The following GPR89B variants were observed in gnomAD, a reference collection of about 807,000 sequenced individuals.
The protein encoded by GPR89B is golgi pH regulator B.
Under a neutral mutation model 52.4 loss-of-function variants are expected in GPR89B, and 25 were observed. The observed-to-expected ratio is 0.48, with a 90% CI of 0.35 to 0.67. The LOEUF is 0.67. Among genes scored for constraint, GPR89B ranks in the 30% least tolerant of loss-of-function variants. The pLI, the probability that GPR89B is intolerant of heterozygous loss-of-function variation, is 0.01. For synonymous variants in GPR89B, 52 were observed against 151.2 expected, an observed-to-expected ratio of 0.34 and a Z score of 4.81; for missense variants, 146 against 450.2, an observed-to-expected ratio of 0.32 and a Z score of 6.11.
intron 7 of GPR89B, among the ~76,000 whole-genome samples, chr1:147,962,921 A>C (rs1347946103): frequency 6.6e-6 from 1 of 151,230 alleles, no homozygotes; most frequent in Non-Finnish European, 1.5e-5. Context: ...AAAACAGATA[A>C]TAGACTAAAA....
At position 147,958,021 on chromosome 1, in the gene GPR89B, G is replaced by A. The variant is rs1391766512; in HGVS notation, c.617+3619G>A. Among the ~76,000 whole-genome samples, 346 of 150,834 alleles carry A rather than the reference G, an allele frequency of 2.3e-3. 3 individuals are homozygous for A. Among genetic ancestry groups the A allele is most frequent in the African/African-American group, 7.9e-3 (322 of 40,576 alleles). ...GGAGCTTGCGGTAAGCCCACATCGCGCCACTGCACTCCAGCCTGGGTGATG... is the reference window on the plus strand; with the variant it reads ...GGAGCTTGCGGTAAGCCCACATCGCACCACTGCACTCCAGCCTGGGTGATG... On this transcript the variant is annotated intron_variant, in intron 7 of 13. Transcript: ENST00000314163.
intron 1 of GPR89B, among the ~76,000 whole-genome samples, chr1:147,936,260 C>T (rs1478673664): frequency 6.6e-6 from 1 of 152,212 alleles, no homozygotes. Context: ...GATCTGCCCA[C>T]CTTGTCCTCC....
chr1:147,983,488 C>T (rs1448840543), intron 10 of GPR89B, among the ~76,000 whole-genome samples: 1 of 152,042 alleles, frequency 6.6e-6, no homozygotes, highest in Non-Finnish European at 1.5e-5. Context: ...AAGAAAAAAA[C>T]AAACAACCCC....
intron 1 of GPR89B, among the ~76,000 whole-genome samples, chr1:147,929,419 C>A (rs587662688): frequency 6.8e-4 from 103 of 152,148 alleles, no homozygotes; most frequent in Non-Finnish European, 9.7e-4. Context: ...TTTTTGAGAT[C>A]CTGCCTTGTT....
chr1:148,011,177 C>G, the GPR89B span: 1 of 152,158 alleles, frequency 6.6e-6, no homozygotes, highest in Admixed American at 6.6e-5. Context: ...AGGGCTATTA[C>G]ATTTCTAGCC....
Position 147,969,961 on chromosome 1 carries a change from T to C in GPR89B, c.909+2T>C. On this transcript the variant is annotated splice_donor_variant, in intron 10 of 13. Transcript: ENST00000314163. LOFTEE classifies it high-confidence loss of function. ...TACTGTGTTTGGAAAATTTTCATGG[T>C]AAGTATGTTATTTTTAATTATCAGA... 4 of 1,364,836 alleles carry C rather than the reference T, an allele frequency of 2.9e-6. No individual in the cohort carries two copies. The highest frequency in any genetic ancestry group is 3.9e-6 in the Non-Finnish European group (4 of 1,015,594). The allele number at this position is 1,364,836 out of a possible 1,614,324, so 84.5% of individuals were successfully genotyped here.
At chr1:148,005,539 G>T in the GPR89B span, 5 of 1,567,762 alleles carry the variant, frequency 3.2e-6, no homozygotes, top group East Asian at 9.0e-5. Flanking sequence ...AACTCCATGT[G>T]GAGACACAAG....
chr1:147,962,990 C>G (rs1226926069), intron 7 of GPR89B, among the ~76,000 whole-genome samples: 1 of 145,348 alleles, frequency 6.9e-6, no homozygotes, highest in Non-Finnish European at 1.5e-5. Context: ...AAGGGCTACA[C>G]AAAAAGTTCT....
At chr1:147,962,853 G>A (rs1262378874) in intron 7 of GPR89B, among the ~76,000 whole-genome samples, 8 of 148,054 alleles carry the variant, frequency 5.4e-5, no homozygotes, top group African/African-American at 1.5e-4. Context: ...GCCGAGATCC[G>A]CCATTGCCCT....
rs1405767511 is a variant in GPR89B at position 147,992,715 on chromosome 1, T to C, written c.1166T>C (p.Met389Thr). ...IVLLLAQIMG[M>T]YFVSSVLLIR... ...ATTAATTCATTTGACTTACAGGGCATGTACTTTGTCTCCTCTGTGCTGCTG... is the reference window on the plus strand; with the variant it reads ...ATTAATTCATTTGACTTACAGGGCACGTACTTTGTCTCCTCTGTGCTGCTG... Residue 389 changes from methionine (M) to threonine (T), a missense_variant, in exon 14 of 14, where the codon ATG becomes ACG. Coordinates refer to ENST00000314163, the MANE Select transcript of GPR89B (RefSeq NM_016334.5). 2.1e-6 allele frequency: 3 copies of C among 1,432,222 alleles called. No individual in the cohort carries two copies. The highest frequency in any genetic ancestry group is 2.9e-5 in the African/African-American group (2 of 69,296). The allele number at this position is 1,432,222 out of a possible 1,614,324, so 88.7% of individuals were successfully genotyped here.
chr1:147,944,895 AATAT>A (rs1224164818), intron 5 of GPR89B, among the ~76,000 whole-genome samples: 1 of 148,362 alleles, frequency 6.7e-6, no homozygotes, highest in South Asian at 2.1e-4. Context: ...CCTTTTTAAA[AATAT>A]ATATATATAT....
chr1:148,002,557 C>T, the GPR89B span, among the ~76,000 whole-genome samples: 1 of 152,218 alleles, frequency 6.6e-6, no homozygotes, highest in South Asian at 2.1e-4. Flanking sequence ...CTTCTCCAAG[C>T]CCTCAATTTC....
At chr1:148,020,054 C>T in the GPR89B span, among the ~76,000 whole-genome samples, 2 of 151,008 alleles carry the variant, frequency 1.3e-5, no homozygotes, top group Admixed American at 6.6e-5. Context: ...GTCCTGAAGG[C>T]CTTTTTGGGG....
intron 11 of GPR89B, among the ~76,000 whole-genome samples, chr1:147,987,097 G>A (rs1366490835): frequency 6.6e-6 from 1 of 152,188 alleles, no homozygotes; most frequent in Non-Finnish European, 1.5e-5. Context: ...ATGAACAAGA[G>A]CAAATTGAGC....
intron 10 of GPR89B, among the ~76,000 whole-genome samples, chr1:147,977,590 G>A (rs1450543120): frequency 5.3e-5 from 8 of 151,558 alleles, no homozygotes; most frequent in East Asian, 3.9e-4. Flanking sequence ...AACTTGAAAC[G>A]GTTCCGTTCT....
chr1:148,020,832 C>T, the GPR89B span, among the ~76,000 whole-genome samples: 6 of 151,746 alleles, frequency 4.0e-5, no homozygotes, highest in Non-Finnish European at 8.8e-5. Flanking sequence ...CGATTACAGG[C>T]ACGTGTCACC....
chr1:147,965,508 A>G (rs1448756354), intron 7 of GPR89B, among the ~76,000 whole-genome samples: 1 of 152,122 alleles, frequency 6.6e-6, no homozygotes, highest in Non-Finnish European at 1.5e-5. Flanking sequence ...TTATGTACAA[A>G]TGATCTTTTA....
intron 1 of GPR89B, among the ~76,000 whole-genome samples, chr1:147,933,879 AC>A (rs1653857048): frequency 1.3e-5 from 2 of 152,268 alleles, no homozygotes; most frequent in African/African-American, 4.8e-5. Flanking sequence ...ATAATATAAA[AC>A]AAATCAGACC....
At position 147,988,482 on chromosome 1, in the gene GPR89B, C is replaced by T. The variant is rs1378795630; in HGVS notation, c.1056C>T (p.Ile352=). 1.1e-5 allele frequency: 16 copies of T among 1,488,066 alleles called. No individual in the cohort carries two copies. Among genetic ancestry groups the T allele is most frequent in the African/African-American group, 5.6e-5 (4 of 71,330 alleles). 92.2% of individuals were successfully genotyped at this position (1,488,066 alleles called of 1,614,324 possible). Reference sequence around the variant, plus strand: ...CCTTCATTCTTGTTGGAATAATCATCGTCACATCCATCAGAGGATTGCTGA... The same window carrying T: ...CCTTCATTCTTGTTGGAATAATCATTGTCACATCCATCAGAGGATTGCTGA... ...HISFILVGII[I]VTSIRGLLIT... The change falls in exon 12 of 14, where the codon ATC becomes ATT. Residue 352 remains isoleucine, a synonymous_variant. Coordinates refer to ENST00000314163, the MANE Select transcript of GPR89B (RefSeq NM_016334.5).
Sources: allele counts gnomAD v4.1 joint callset (sites outside exome capture counted in the v4.1 genomes callset), GRCh38; gene constraint gnomAD v4.1.1; transcripts MANE v1.5; gene names NCBI Gene and HGNC (gene_info 2026-07-23, HGNC 2026-07-21).